The following PPARGC1A variants were observed in gnomAD, a reference collection of about 807,000 sequenced individuals.
PPARGC1A encodes peroxisome proliferator-activated receptor gamma coactivator 1-alpha.
Under a neutral mutation model 88.7 loss-of-function variants are expected in PPARGC1A, and 25 were observed. That is an observed-to-expected ratio of 0.28 (90% CI 0.21 to 0.39). The LOEUF is 0.39. PPARGC1A is among the 10% of genes least tolerant of loss of function. The pLI, the probability that PPARGC1A is intolerant of heterozygous loss-of-function variation, is 1.00. For missense variants in PPARGC1A, 880 were observed against 968.7 expected (o/e 0.91, Z 1.22); for synonymous variants, 363 against 355.6 (o/e 1.02, Z -0.24).
intron 2 of PPARGC1A, among the ~76,000 whole-genome samples, chr4:23,874,441 A>G (rs1577609001): frequency 1.3e-5 from 2 of 152,170 alleles, no homozygotes; most frequent in African/African-American, 4.8e-5. Context: ...GTATTTAGAT[A>G]TGTGACTCTT....
At chr4:23,917,187 G>A in the PPARGC1A span, among the ~76,000 whole-genome samples, 6 of 152,128 alleles carry the variant, frequency 3.9e-5, no homozygotes, top group East Asian at 1.9e-4. Context: ...CAGTAGAGAC[G>A]AAATGTATTA....
chr4:24,076,200 T>C, the PPARGC1A span, among the ~76,000 whole-genome samples: 1 of 152,148 alleles, frequency 6.6e-6, no homozygotes, highest in African/African-American at 2.4e-5. Flanking sequence ...TCACATTCAT[T>C]ATCTTATTTA....
chr4:24,006,013 GT>G, the PPARGC1A span, among the ~76,000 whole-genome samples: 1 of 151,952 alleles, frequency 6.6e-6, no homozygotes, highest in Non-Finnish European at 1.5e-5. Context: ...ACCACTTAGG[GT>G]TTTGTTTTTG....
the PPARGC1A span, among the ~76,000 whole-genome samples, chr4:24,206,701 G>A: frequency 6.6e-6 from 1 of 151,894 alleles, no homozygotes. Context: ...ATAGCTGGGG[G>A]TAGTGGCACG....
intron 2 of PPARGC1A, among the ~76,000 whole-genome samples, chr4:23,852,662 A>C (rs1729512301): frequency 1.3e-5 from 2 of 152,168 alleles, no homozygotes; most frequent in African/African-American, 4.8e-5. Flanking sequence ...CTAAAGCTTA[A>C]GATCCTATTC....
the PPARGC1A span, among the ~76,000 whole-genome samples, chr4:24,074,752 T>A: frequency 6.6e-6 from 1 of 152,136 alleles, no homozygotes; most frequent in African/African-American, 2.4e-5. Context: ...TGGGATGCAA[T>A]ATTTGGGTGC....
At chr4:24,011,307 C>T in the PPARGC1A span, among the ~76,000 whole-genome samples, 11 of 152,238 alleles carry the variant, frequency 7.2e-5, no homozygotes, top group South Asian at 1.5e-3. Context: ...TGCATCCCAT[C>T]ATAAGGGCTT....
At chr4:24,131,577 T>C in the PPARGC1A span, among the ~76,000 whole-genome samples, 3 of 152,202 alleles carry the variant, frequency 2.0e-5, no homozygotes, top group African/African-American at 7.2e-5. Flanking sequence ...CTCCAACTAA[T>C]CAGATTGGAC....
chr4:24,245,038 GAAGA>G, the PPARGC1A span, among the ~76,000 whole-genome samples: 1 of 152,160 alleles, frequency 6.6e-6, no homozygotes, highest in African/African-American at 2.4e-5. Context: ...AAAAAAAGAG[GAAGA>G]GAGAAGGAGA....
At chr4:23,837,889 T>A (rs941508641) in intron 2 of PPARGC1A, among the ~76,000 whole-genome samples, 2 of 152,200 alleles carry the variant, frequency 1.3e-5, no homozygotes, top group Non-Finnish European at 2.9e-5. Flanking sequence ...ACCTGTTTCA[T>A]GCATGGATCA....
chr4:24,051,116 A>C, the PPARGC1A span, among the ~76,000 whole-genome samples: 1 of 134,004 alleles, frequency 7.5e-6, no homozygotes. Context: ...TGAACCCAGG[A>C]GGCAGAGCTT....
chr4:24,343,363 G>A, the PPARGC1A span, among the ~76,000 whole-genome samples: 1 of 152,288 alleles, frequency 6.6e-6, no homozygotes, highest in African/African-American at 2.4e-5. Flanking sequence ...GATGAGATTA[G>A]TGCCTTATAA....
the PPARGC1A span, among the ~76,000 whole-genome samples, chr4:24,405,801 C>G: frequency 6.6e-6 from 1 of 152,134 alleles, no homozygotes; most frequent in African/African-American, 2.4e-5. Flanking sequence ...ACTCGAACTG[C>G]CCAGTCTTAG....
the PPARGC1A span, among the ~76,000 whole-genome samples, chr4:24,163,513 C>A: frequency 1.3e-5 from 2 of 152,096 alleles, no homozygotes; most frequent in Non-Finnish European, 2.9e-5. Context: ...AAAAAATATG[C>A]TGACCTTTCC....
chr4:24,186,422 C>T, the PPARGC1A span, among the ~76,000 whole-genome samples: 5 of 152,196 alleles, frequency 3.3e-5, no homozygotes, highest in East Asian at 1.9e-4. Context: ...TCTTCTGGAT[C>T]GGACCACCTG....
chr4:23,946,329 G>C, the PPARGC1A span, among the ~76,000 whole-genome samples: 1 of 152,096 alleles, frequency 6.6e-6, no homozygotes, highest in East Asian at 1.9e-4. Context: ...TTTTCATAGA[G>C]AGAGAGCCTC....
the PPARGC1A span, among the ~76,000 whole-genome samples, chr4:24,201,101 A>G: frequency 6.6e-6 from 1 of 152,234 alleles, no homozygotes; most frequent in Admixed American, 6.5e-5. Context: ...ATACATTCAA[A>G]TAGCTCCTGA....
chr4:23,966,100 T>C, the PPARGC1A span, among the ~76,000 whole-genome samples: 10 of 152,108 alleles, frequency 6.6e-5, no homozygotes, highest in African/African-American at 2.2e-4. Context: ...TCGCACACAA[T>C]TTGCATAGCC....
At chr4:23,930,496 G>C in the PPARGC1A span, among the ~76,000 whole-genome samples, 2 of 152,060 alleles carry the variant, frequency 1.3e-5, no homozygotes, top group Non-Finnish European at 2.9e-5. Context: ...CAACAACAAT[G>C]ATGACAAAGG....
Sources: gnomAD v4.1 joint callset for allele counts (sites outside exome capture counted in the v4.1 genomes callset) on GRCh38, gnomAD v4.1.1 for gene constraint, MANE v1.5 for transcripts, NCBI Gene and HGNC (gene_info 2026-07-23, HGNC 2026-07-21) for gene names.